The following PCDHA2 variants were observed in gnomAD, a reference collection of about 807,000 sequenced individuals.
The protein encoded by PCDHA2 is protocadherin alpha 2.
In PCDHA2, 58 loss-of-function variants were observed where a neutral mutation model predicts 66.0. That is an observed-to-expected ratio of 0.88 (90% CI 0.71 to 1.09). The LOEUF is 1.09. PCDHA2 is among the 50% of genes least tolerant of loss of function. PCDHA2 has a pLI of 0.00. For missense variants in PCDHA2, 1,267 were observed against 1,242.3 expected, an observed-to-expected ratio of 1.02 and a Z score of -0.30; for synonymous variants, 634 against 554.0, an observed-to-expected ratio of 1.14 and a Z score of -2.03.
intron 1 of PCDHA2, chr5:140,882,663 T>C (rs782768442): frequency 4.0e-5 from 65 of 1,614,026 alleles, no homozygotes; most frequent in Non-Finnish European, 5.3e-5. Flanking sequence ...AACCCGCCCA[T>C]ATTCCCTGAA....
chr5:140,807,937 A>G, intron 1 of PCDHA2: 1 of 1,614,110 alleles, frequency 6.2e-7, no homozygotes, highest in Non-Finnish European at 8.5e-7. Context: ...ATAAGGTGAG[A>G]TTACTAGAAA....
chr5:140,877,224 G>C (rs986695805), intron 1 of PCDHA2: 6 of 1,613,712 alleles, frequency 3.7e-6, no homozygotes, highest in Admixed American at 1.7e-5. Flanking sequence ...TACCGCGGTC[G>C]GTGGGTGCGG....
At position 140,957,203 on chromosome 5, in the gene PCDHA2, A is replaced by T. The variant is rs921844658; in HGVS notation, c.2389-21746A>T. 3.3e-5 allele frequency among the ~76,000 whole-genome samples: 5 copies of T among 152,184 alleles called. 1 individual carries two copies. In the South Asian group the frequency reaches 6.2e-4, roughly 19 times the overall value. ...TATTGATGACCGATTGGGAATATAAATAGGCACAAAAATTTGGCGAAGCAT... is the reference window on the plus strand; with the variant it reads ...TATTGATGACCGATTGGGAATATAATTAGGCACAAAAATTTGGCGAAGCAT... On this transcript the variant is annotated intron_variant, in intron 1 of 3. Transcript: ENST00000526136.
At chr5:140,823,570 G>C in intron 1 of PCDHA2, 1 of 1,613,982 alleles carries the variant, frequency 6.2e-7, no homozygotes, top group Non-Finnish European at 8.5e-7. Flanking sequence ...AGTGGACCCT[G>C]ATTCGGGCTA....
intron 1 of PCDHA2, chr5:140,875,909 C>A (rs1554168058): frequency 1.2e-6 from 2 of 1,614,048 alleles, no homozygotes; most frequent in African/African-American, 2.7e-5. Flanking sequence ...TCTGAATCTG[C>A]GCCTCTGGAC....
chr5:140,876,837 C>G (rs782753877), intron 1 of PCDHA2: 3 of 1,614,148 alleles, frequency 1.9e-6, no homozygotes, highest in African/African-American at 1.3e-5. Context: ...CGCCTGCGTT[C>G]GCGCAGCCCG....
intron 1 of PCDHA2, among the ~76,000 whole-genome samples, chr5:140,889,040 A>G (rs1313734637): frequency 4.6e-5 from 7 of 152,094 alleles, no homozygotes; most frequent in African/African-American, 1.4e-4. Context: ...TAATTTGATT[A>G]TAATTTATAA....
chr5:140,967,477 C>T (rs782240426), intron 1 of PCDHA2: 1 of 1,613,396 alleles, frequency 6.2e-7, no homozygotes, highest in Non-Finnish European at 8.5e-7. Flanking sequence ...TCCCAGCCCG[C>T]TCGGGTACGG....
intron 1 of PCDHA2, chr5:140,834,199 G>A (rs1359433825): frequency 6.7e-6 from 4 of 595,280 alleles, no homozygotes; most frequent in African/African-American, 3.7e-5. Flanking sequence ...GCTCTTTACC[G>A]CAAATTCTTT....
chr5:140,809,232 C>T (rs1190740414), intron 1 of PCDHA2: 1 of 1,614,062 alleles, frequency 6.2e-7, no homozygotes, highest in Non-Finnish European at 8.5e-7. Flanking sequence ...TCCTCACGGG[C>T]GTTGGTGGGC....
At chr5:140,828,391 G>A in intron 1 of PCDHA2, 4 of 1,614,294 alleles carry the variant, frequency 2.5e-6, no homozygotes, top group Non-Finnish European at 3.4e-6. Flanking sequence ...GGCGGAGCGC[G>A]GAGTGCAGCA....
intron 1 of PCDHA2, among the ~76,000 whole-genome samples, chr5:140,916,170 G>A (rs782402888): frequency 1.5e-4 from 23 of 152,106 alleles, no homozygotes; most frequent in Non-Finnish European, 2.9e-4. Flanking sequence ...TGCCAGGCCT[G>A]GGACTCTTCA....
chr5:140,890,238 C>T (rs2062554718), intron 1 of PCDHA2, among the ~76,000 whole-genome samples: 1 of 152,034 alleles, frequency 6.6e-6, no homozygotes, highest in African/African-American at 2.4e-5. Flanking sequence ...TAAGCATTTA[C>T]CAGTACACTA....
chr5:140,984,340 T>C (rs1224859959), intron 3 of PCDHA2, among the ~76,000 whole-genome samples: 1 of 152,242 alleles, frequency 6.6e-6, no homozygotes, highest in African/African-American at 2.4e-5. Flanking sequence ...ATAGGAACCA[T>C]GTATTGATAT....
chr5:140,875,792 A>G, intron 1 of PCDHA2: 1 of 1,614,116 alleles, frequency 6.2e-7, no homozygotes, highest in East Asian at 2.2e-5. Context: ...ATCCACCTGG[A>G]GGTGATCGTG....
chr5:140,877,917 T>G (rs2057395668), intron 1 of PCDHA2: 2 of 1,427,712 alleles, frequency 1.4e-6, no homozygotes, highest in Admixed American at 2.9e-5. Context: ...TTCTCTCATT[T>G]TTCTTTATGA....
chr5:141,005,142 T>C (rs1554259898), intron 3 of PCDHA2, among the ~76,000 whole-genome samples: 1 of 152,234 alleles, frequency 6.6e-6, no homozygotes, highest in African/African-American at 2.4e-5. Flanking sequence ...ATTGGAGAGT[T>C]GTTTGGTCTG....
At chr5:140,958,295 C>T (rs1405336220) in intron 1 of PCDHA2, among the ~76,000 whole-genome samples, 1 of 151,884 alleles carries the variant, frequency 6.6e-6, no homozygotes, top group Admixed American at 6.6e-5. Context: ...TATTATTGAA[C>T]TTAATTAAAA....
Position 140,814,823 on chromosome 5 carries a change from A to G in PCDHA2, c.2388+17471A>G, listed in dbSNP as rs1363688446. 2.0e-5 allele frequency: 3 copies of G among 152,176 alleles called. No individual in the cohort carries two copies. In the East Asian group the frequency reaches 5.8e-4, roughly 29 times the overall value. 9.4% of individuals were successfully genotyped at this position (152,176 alleles called of 1,614,324 possible). On this transcript the variant is annotated intron_variant, in intron 1 of 3. Coordinates refer to ENST00000526136, the MANE Select transcript of PCDHA2 (RefSeq NM_018905.3). ...ACTTGACTTTATTGTATTGCTATCT[A>G]TTTCTCCATTTCTGTGAATGTTTGC...
Sources: gnomAD v4.1 joint callset for allele counts (sites outside exome capture counted in the v4.1 genomes callset) on GRCh38, gnomAD v4.1.1 for gene constraint, MANE v1.5 for transcripts, NCBI Gene and HGNC (gene_info 2026-07-23, HGNC 2026-07-21) for gene names.